The following NFIL3 variants were observed in gnomAD, a reference collection of about 807,000 sequenced individuals.
NFIL3 encodes nuclear factor interleukin-3-regulated protein.
A neutral mutation model predicts 10.0 loss-of-function variants in NFIL3; 5 were observed. The observed-to-expected ratio is 0.50, with a 90% CI of 0.26 to 1.06. The LOEUF is 1.06. NFIL3 is among the 50% of genes least tolerant of loss of function. The probability of loss-of-function intolerance (pLI) is 0.13; values close to 1 mark genes in which losing one functional copy is unlikely to be tolerated. For synonymous variants in NFIL3, 202 were observed against 206.5 expected (o/e 0.98, Z 0.19); for missense variants, 436 against 547.6 (o/e 0.80, Z 2.03).
chr9:91,483,346 C>A, the NFIL3 span, among the ~76,000 whole-genome samples: 1 of 152,232 alleles, frequency 6.6e-6, no homozygotes, highest in East Asian at 1.9e-4. Flanking sequence ...ATAGTACTCA[C>A]CCTGCTCAAA....
the NFIL3 span, among the ~76,000 whole-genome samples, chr9:91,464,504 CCATA>C: frequency 6.6e-6 from 1 of 152,012 alleles, no homozygotes; most frequent in Non-Finnish European, 1.5e-5. Flanking sequence ...CATAATAGCC[CCATA>C]CAATGTTATT....
upstream of NFIL3, among the ~76,000 whole-genome samples, chr9:91,424,334 C>T (rs1032872255): frequency 6.6e-6 from 1 of 152,218 alleles, no homozygotes; most frequent in African/African-American, 2.4e-5. Flanking sequence ...CTGAGCACTG[C>T]GGGTTGCGGC....
At chr9:91,442,843 A>G in the NFIL3 span, among the ~76,000 whole-genome samples, 1 of 152,172 alleles carries the variant, frequency 6.6e-6, no homozygotes, top group Admixed American at 6.5e-5. Context: ...CCGAAGGGCC[A>G]CAGCTCTTCT....
the NFIL3 span, among the ~76,000 whole-genome samples, chr9:91,450,088 T>C: frequency 6.6e-6 from 1 of 152,144 alleles, no homozygotes; most frequent in Non-Finnish European, 1.5e-5. Context: ...TTGTATCTTT[T>C]CTCTTTTGTT....
chr9:91,417,709 T>A (rs951798961), intron 1 of NFIL3, among the ~76,000 whole-genome samples: 1 of 152,180 alleles, frequency 6.6e-6, no homozygotes, highest in Non-Finnish European at 1.5e-5. Context: ...GAGAAAACTA[T>A]GTTAAACCTC....
At chr9:91,417,613 T>C (rs1456087128) in intron 1 of NFIL3, among the ~76,000 whole-genome samples, 1 of 152,078 alleles carries the variant, frequency 6.6e-6, no homozygotes. Flanking sequence ...CCAGAGGAAA[T>C]GGGGAGTGAA....
chr9:91,422,574 C>A (rs1317018172), intron 1 of NFIL3, among the ~76,000 whole-genome samples: 1 of 152,186 alleles, frequency 6.6e-6, no homozygotes, highest in Non-Finnish European at 1.5e-5. Context: ...TCTATGCTCA[C>A]TGCCAGCAAA....
At chr9:91,442,811 G>A in the NFIL3 span, among the ~76,000 whole-genome samples, 1 of 152,210 alleles carries the variant, frequency 6.6e-6, no homozygotes, top group South Asian at 2.1e-4. Context: ...CCTGGCTCTG[G>A]GAGCCCCTAG....
At chr9:91,477,272 T>C in the NFIL3 span, among the ~76,000 whole-genome samples, 5 of 152,174 alleles carry the variant, frequency 3.3e-5, no homozygotes, top group Non-Finnish European at 7.3e-5. Flanking sequence ...TTGACACATG[T>C]CACTCTCCAT....
chr9:91,478,645 A>C, the NFIL3 span, among the ~76,000 whole-genome samples: 1 of 151,946 alleles, frequency 6.6e-6, no homozygotes, highest in African/African-American at 2.4e-5. Context: ...TACTTCTGTC[A>C]ATTCGTCAAA....
At chr9:91,446,434 C>T in the NFIL3 span, among the ~76,000 whole-genome samples, 2 of 152,290 alleles carry the variant, frequency 1.3e-5, no homozygotes, top group Admixed American at 6.5e-5. Flanking sequence ...TGCAAGGCAA[C>T]GAGTTCTACG....
chr9:91,436,005 C>A, the NFIL3 span, among the ~76,000 whole-genome samples: 1 of 152,194 alleles, frequency 6.6e-6, no homozygotes, highest in African/African-American at 2.4e-5. Context: ...ACAAAAAAAC[C>A]CAAAAAACTC....
the NFIL3 span, among the ~76,000 whole-genome samples, chr9:91,458,223 T>C: frequency 6.6e-6 from 1 of 152,246 alleles, no homozygotes; most frequent in East Asian, 1.9e-4. Context: ...AGTATTATTA[T>C]TTTCTTAAAT....
intron 1 of NFIL3, among the ~76,000 whole-genome samples, chr9:91,412,824 C>G (rs1833578795): frequency 6.6e-6 from 1 of 150,442 alleles, no homozygotes; most frequent in Non-Finnish European, 1.5e-5. Flanking sequence ...TGCACTCCAG[C>G]CTGGGGGACA....
the NFIL3 span, among the ~76,000 whole-genome samples, chr9:91,481,678 A>G: frequency 6.6e-6 from 1 of 152,196 alleles, no homozygotes; most frequent in African/African-American, 2.4e-5. Context: ...CACAAGAAAT[A>G]CCAATGATAT....
intron 1 of NFIL3, among the ~76,000 whole-genome samples, chr9:91,418,914 GGTA>G (rs1833708368): frequency 6.6e-6 from 1 of 151,578 alleles, no homozygotes; most frequent in Admixed American, 6.6e-5. Context: ...AGATAACTGG[GGTA>G]GTAGTAATAA....
chr9:91,422,655 A>G (rs2482359), intron 1 of NFIL3, among the ~76,000 whole-genome samples: 19,220 of 152,194 alleles, frequency 0.13, 1,444 homozygotes, highest in Middle Eastern at 0.17. Flanking sequence ...CTGAAAAAGC[A>G]ATGACAATAA....
chr9:91,452,112 T>C, the NFIL3 span, among the ~76,000 whole-genome samples: 3 of 152,168 alleles, frequency 2.0e-5, no homozygotes, highest in Non-Finnish European at 2.9e-5. Flanking sequence ...CATACCTCAT[T>C]ACACCCTCCT....
chr9:91,460,131 G>A, the NFIL3 span, among the ~76,000 whole-genome samples: 12 of 152,016 alleles, frequency 7.9e-5, no homozygotes, highest in African/African-American at 2.7e-4. Context: ...TCTGCCTTGA[G>A]TAGAGTCAGA....
Sources: allele counts gnomAD v4.1 joint callset (sites outside exome capture counted in the v4.1 genomes callset), GRCh38; gene constraint gnomAD v4.1.1; transcripts MANE v1.5; gene names NCBI Gene and HGNC (gene_info 2026-07-23, HGNC 2026-07-21).